The following CMIP variants were observed in gnomAD, a reference collection of about 807,000 sequenced individuals.
CMIP encodes the protein c-Maf inducing protein, also known as C-Maf-inducing protein.
A neutral mutation model predicts 97.3 loss-of-function variants in CMIP; 13 were observed. The ratio of observed to expected loss-of-function variants is 0.13; its 90% CI spans 0.09 to 0.21. The LOEUF is 0.21. Among genes scored for constraint, CMIP ranks in the 10% least tolerant of loss-of-function variants. The pLI is 1.00. For missense variants in CMIP, 847 were observed against 1,024.9 expected (o/e 0.83, Z 2.37); for synonymous variants, 538 against 436.3 (o/e 1.23, Z -2.91).
At chr16:81,558,816 T>A (rs981122118) in intron 1 of CMIP, among the ~76,000 whole-genome samples, 5 of 152,106 alleles carry the variant, frequency 3.3e-5, no homozygotes, top group African/African-American at 1.2e-4. Flanking sequence ...GTGTTGAGAG[T>A]GGCTGCGCAC....
intron 1 of CMIP, among the ~76,000 whole-genome samples, chr16:81,568,681 T>A (rs140620255): frequency 6.6e-6 from 1 of 152,314 alleles, no homozygotes; most frequent in Non-Finnish European, 1.5e-5. Flanking sequence ...AGCAAGAGCC[T>A]CAAACCTTGG....
At chr16:81,553,958 G>A (rs1237280375) in intron 1 of CMIP, among the ~76,000 whole-genome samples, 4 of 152,220 alleles carry the variant, frequency 2.6e-5, no homozygotes, top group Non-Finnish European at 4.4e-5. Flanking sequence ...CCATGCAAGC[G>A]TTTCCAGTGG....
In CMIP at chr16:81,445,472, C is replaced by T. The variant is rs1372133790; in HGVS notation, c.231C>T (p.Thr77=). The T allele has an allele frequency of 1.3e-6, 2 of 1,564,120 alleles. No individual in the cohort carries two copies. Among genetic ancestry groups the T allele is most frequent in the Non-Finnish European group, 8.7e-7 (1 of 1,154,482 alleles). Residue 77 remains threonine, a synonymous_variant, in exon 1 of 21, where the codon ACC becomes ACT. Coordinates refer to ENST00000537098, the MANE Select transcript of CMIP (RefSeq NM_198390.3). ...HPRTFLSKIL[T]SKFLRRWEPH... The stretch of plus-strand genomic sequence containing the variant: ...GGACCTTTCTCAGCAAGATCCTCAC[C>T]TCGAAATTCCTGAGGCGCTGGGAGC...
chr16:81,656,773 T>A (rs1442977962), intron 4 of CMIP, among the ~76,000 whole-genome samples: 1 of 152,012 alleles, frequency 6.6e-6, no homozygotes, highest in African/African-American at 2.4e-5. Context: ...GAGTAGCGAG[T>A]ACCATGCCCA....
chr16:81,599,793 A>T (rs1244724439), intron 1 of CMIP, among the ~76,000 whole-genome samples: 1 of 152,214 alleles, frequency 6.6e-6, no homozygotes. Context: ...GATAACAGGG[A>T]TAAAAACAGC....
intron 1 of CMIP, among the ~76,000 whole-genome samples, chr16:81,489,678 C>T (rs556004780): frequency 1.3e-5 from 2 of 152,206 alleles, no homozygotes; most frequent in Non-Finnish European, 2.9e-5. Context: ...TTTATGGAGC[C>T]CCCCTCCCTT....
chr16:81,500,415 TCCCTC>T (rs1233213300), intron 1 of CMIP, among the ~76,000 whole-genome samples: 6 of 86,580 alleles, frequency 6.9e-5, no homozygotes, highest in African/African-American at 2.7e-4. Context: ...CTCTCCCTCC[TCCCTC>T]CCCTCCCTCC....
intron 1 of CMIP, among the ~76,000 whole-genome samples, chr16:81,467,289 C>G (rs1466225010): frequency 6.6e-6 from 1 of 152,208 alleles, no homozygotes; most frequent in Non-Finnish European, 1.5e-5. Context: ...CGCTTGACAA[C>G]CTTCTGCCCC....
intron 10 of CMIP, among the ~76,000 whole-genome samples, chr16:81,688,027 C>G (rs561227471): frequency 6.6e-6 from 1 of 152,226 alleles, no homozygotes; most frequent in African/African-American, 2.4e-5. Flanking sequence ...GCGCAGGCAG[C>G]GCAGAGCGAA....
chr16:81,496,505 CA>C (rs2089493778), intron 1 of CMIP, among the ~76,000 whole-genome samples: 1 of 152,180 alleles, frequency 6.6e-6, no homozygotes. Flanking sequence ...AGCCTTTCAG[CA>C]AGGATCAAAT....
chr16:81,646,639 T>G (rs894889148), intron 3 of CMIP, among the ~76,000 whole-genome samples: 4 of 152,348 alleles, frequency 2.6e-5, no homozygotes, highest in African/African-American at 9.6e-5. Flanking sequence ...TGCAGTCTCA[T>G]TCCTGTTCTG....
At chr16:81,676,799 G>A (rs972769112) in intron 9 of CMIP, among the ~76,000 whole-genome samples, 1 of 152,104 alleles carries the variant, frequency 6.6e-6, no homozygotes, top group Non-Finnish European at 1.5e-5. Flanking sequence ...CTATTCACGT[G>A]CCCCCTCCCA....
At chr16:81,588,292 G>A (rs1248550105) in intron 1 of CMIP, among the ~76,000 whole-genome samples, 2 of 152,196 alleles carry the variant, frequency 1.3e-5, no homozygotes, top group Non-Finnish European at 2.9e-5. Context: ...GTCTTTCAAA[G>A]TAGATGCCTT....
At chr16:81,706,932 G>T in intron 19 of CMIP, 82 bp from the exon 20 acceptor site, 1 of 1,194,930 alleles carries the variant, frequency 8.4e-7, no homozygotes, top group South Asian at 1.3e-5. Context: ...CACCTGCATT[G>T]AGCTCCTCCA....
chr16:81,540,118 G>A (rs571758053), intron 1 of CMIP, among the ~76,000 whole-genome samples: 3 of 152,222 alleles, frequency 2.0e-5, no homozygotes, highest in African/African-American at 7.2e-5. Context: ...TTTGTCAGAC[G>A]TGGAGCACAT....
At chr16:81,596,987 G>A (rs986578393) in intron 1 of CMIP, among the ~76,000 whole-genome samples, 1 of 152,162 alleles carries the variant, frequency 6.6e-6, no homozygotes, top group African/African-American at 2.4e-5. Flanking sequence ...CATAGTTGTA[G>A]ACCATACATT....
chr16:81,468,978 C>T (rs973388532), intron 1 of CMIP, among the ~76,000 whole-genome samples: 4 of 152,364 alleles, frequency 2.6e-5, no homozygotes, highest in South Asian at 2.1e-4. Flanking sequence ...AGCCGAATTA[C>T]AGGAAGGCCC....
In CMIP at chr16:81,545,274, C is replaced by T. The variant is rs114511853; in HGVS notation, c.301-62293C>T. Among the ~76,000 whole-genome samples the T allele has an allele frequency of 8.5e-3, 1,291 of 152,302 alleles. 13 individuals are homozygous for T. Among genetic ancestry groups the T allele is most frequent in the African/African-American group, 0.029 (1,198 of 41,564 alleles). Reference sequence around the variant, plus strand: ...AATGCATTCGTTATCTCAGGATTTGCTGCGCTTCTAGAGAAGTCCTGCAGA... The same window carrying T: ...AATGCATTCGTTATCTCAGGATTTGTTGCGCTTCTAGAGAAGTCCTGCAGA... On this transcript the variant is annotated intron_variant, in intron 1 of 20. Coordinates refer to ENST00000537098, the MANE Select transcript of CMIP (RefSeq NM_198390.3).
intron 1 of CMIP, among the ~76,000 whole-genome samples, chr16:81,603,896 T>G (rs2091698878): frequency 6.6e-6 from 1 of 152,226 alleles, no homozygotes; most frequent in Non-Finnish European, 1.5e-5. Flanking sequence ...CTTGATAAAC[T>G]GGATCTCTGG....
Sources: gnomAD v4.1 joint callset for allele counts (sites outside exome capture counted in the v4.1 genomes callset) on GRCh38, gnomAD v4.1.1 for gene constraint, MANE v1.5 for transcripts, NCBI Gene and HGNC (gene_info 2026-07-23, HGNC 2026-07-21) for gene names.